The following VWF variants were observed in gnomAD, a reference collection of about 807,000 sequenced individuals.
VWF encodes von Willebrand factor.
VWF carries 176 observed loss-of-function variants against 308.6 expected under a neutral mutation model. That is an observed-to-expected ratio of 0.57 (90% CI 0.50 to 0.65). The LOEUF (loss-of-function observed/expected upper bound fraction) is 0.65, where lower values mean the gene tolerates loss of function less well. Ranked by LOEUF, VWF falls within the 30% of genes least tolerant of loss-of-function variation. The probability of loss-of-function intolerance (pLI) is 0.00; values close to 1 mark genes in which losing one functional copy is unlikely to be tolerated. For missense variants in VWF, 3,146 were observed against 3,648.2 expected, an observed-to-expected ratio of 0.86 and a Z score of 3.55; for synonymous variants, 1,385 against 1,443.4, an observed-to-expected ratio of 0.96 and a Z score of 0.92.
intron 27 of VWF, 141 bp downstream of exon 27, chr12:6,021,759 A>G: frequency 9.3e-7 from 1 of 1,071,712 alleles, no homozygotes; most frequent in Non-Finnish European, 1.4e-6. Flanking sequence ...TAAATAATGA[A>G]TTAAATAAAT....
chr12:6,108,772 G>A (rs1394354023), intron 5 of VWF, among the ~76,000 whole-genome samples: 2 of 152,020 alleles, frequency 1.3e-5, no homozygotes, highest in East Asian at 3.9e-4. Flanking sequence ...ACGAGGTCAG[G>A]AGTTGGAGAC....
At chr12:6,078,475 A>C (rs1944869665) in intron 6 of VWF, among the ~76,000 whole-genome samples, 1 of 152,134 alleles carries the variant, frequency 6.6e-6, no homozygotes, top group African/African-American at 2.4e-5. Flanking sequence ...GAATTACGTC[A>C]CTGAACTCAG....
rs61750079 is a variant in VWF at position 6,019,180 on chromosome 12, G to A, written c.4238C>T (p.Pro1413Leu). 1.4e-5 allele frequency: 22 copies of A among 1,613,792 alleles called. No homozygotes were observed. The highest frequency in any genetic ancestry group is 3.3e-5 in the Admixed American group (2 of 59,988). ...GTTGGCATGGGGCCCAATGCCCACC[G>A]GGATCACAATGACCTTCTTCTTCTT... ...GLKKKKVIVI[P>L]VGIGPHANLK... Residue 1413 changes from proline to leucine, a missense_variant, in exon 28 of 52, where the codon CCG (proline) becomes CTG (leucine). This residue lies in a region of VWF where 853 missense variants were observed against 1,177.8 expected (regional missense o/e 0.72). Coordinates refer to ENST00000261405, the MANE Select transcript of VWF (RefSeq NM_000552.5). This position sits in a 1 kb window ranked among gnomAD's most constrained non-coding sequence, Gnocchi z 5.8.
rs769713195 is a variant in VWF at position 6,057,988 on chromosome 12, G to C, written c.1590C>G (p.Asn530Lys). 1 of 1,613,594 alleles carries C rather than the reference G, an allele frequency of 6.2e-7. No individual in the cohort carries two copies. Among genetic ancestry groups the C allele is most frequent in the Non-Finnish European group, 8.5e-7 (1 of 1,180,040 alleles). ...TCGLCGNYNG[N>K]QGDDFLTPSG... ...AGGGGGTAAGGAAGTCGTCGCCCTG[G>C]TTGCCATTGTAATTCCCACACAGGC... Residue 530 changes from asparagine (N) to lysine (K), a missense_variant, in exon 14 of 52, where the codon AAC becomes AAG. By Grantham distance (94) the Asn-to-Lys change is moderately conservative (BLOSUM62 0). Around this residue, in one of 3 missense-constraint regions of VWF, gnomAD observed 1,304 missense variants for 1,353.0 expected, o/e 0.96. Coordinates refer to ENST00000261405, the MANE Select transcript of VWF (RefSeq NM_000552.5).
intron 34 of VWF, 37 bp downstream of exon 34, chr12:6,011,580 T>G: frequency 6.4e-7 from 1 of 1,559,366 alleles, no homozygotes; most frequent in South Asian, 1.2e-5. Flanking sequence ...GCACTGCCCC[T>G]TTGACGCTGC....
intron 47 of VWF, among the ~76,000 whole-genome samples, chr12:5,956,961 T>A (rs1943258883): frequency 6.6e-6 from 1 of 152,214 alleles, no homozygotes; most frequent in Non-Finnish European, 1.5e-5. Context: ...ACTCTCTGAC[T>A]CACCAAGAGC....
chr12:6,032,334 A>AAAAAG (rs1237715919), intron 20 of VWF, among the ~76,000 whole-genome samples: 2 of 151,054 alleles, frequency 1.3e-5, no homozygotes, highest in Non-Finnish European at 1.5e-5. Context: ...CTCAAAAAAA[A>AAAAAG]AAAAGAAAAG....
intron 50 of VWF, among the ~76,000 whole-genome samples, chr12:5,951,020 CT>C (rs1373358743): frequency 6.6e-6 from 1 of 152,160 alleles, no homozygotes; most frequent in East Asian, 1.9e-4. Flanking sequence ...TGTTTTCACT[CT>C]TCCTTTCTCT....
At chr12:6,041,409 G>A (rs943483933) in intron 18 of VWF, among the ~76,000 whole-genome samples, 9 of 151,322 alleles carry the variant, frequency 5.9e-5, no homozygotes, top group Non-Finnish European at 1.2e-4. Context: ...CAGCCTGGGT[G>A]ACAGAGCAAA....
Position 5,949,178 on chromosome 12 carries a change from T to C in VWF, c.8279A>G (p.Tyr2760Cys), listed in dbSNP as rs1943149264. 1 of 1,613,996 alleles carries C rather than the reference T, an allele frequency of 6.2e-7. No homozygotes were observed. Among genetic ancestry groups the C allele is most frequent in the Admixed American group, 1.7e-5 (1 of 60,002 alleles). Residue 2760 changes from tyrosine to cysteine, a missense_variant, in exon 52 of 52, where the codon TAC (tyrosine) becomes TGC (cysteine). Transcript: ENST00000261405. ...CTGCACATCGTTGATGTCAATGGAGTACATGGCTTTGCTGGCACATTTGCC... is the reference window on the plus strand; with the variant it reads ...CTGCACATCGTTGATGTCAATGGAGCACATGGCTTTGCTGGCACATTTGCC... Reference protein sequence around the residue: ...CQGKCASKAMYSIDINDVQDQ... With the variant: ...CQGKCASKAMCSIDINDVQDQ...
intron 48 of VWF, 54 bp downstream of exon 48, chr12:5,953,442 A>G (rs942871694): frequency 1.3e-6 from 2 of 1,540,108 alleles, no homozygotes; most frequent in African/African-American, 2.7e-5. Context: ...AATTTCCAAA[A>G]AAGGAAGCAA....
chr12:5,982,152 G>T (rs996259351), intron 41 of VWF, among the ~76,000 whole-genome samples, 161 bp from the exon 42 acceptor site: 12 of 152,214 alleles, frequency 7.9e-5, no homozygotes, highest in Admixed American at 7.2e-4. Context: ...GTTACCAAAA[G>T]CAGTCCATCT....
intron 5 of VWF, among the ~76,000 whole-genome samples, chr12:6,102,066 T>G (rs1379364150): frequency 6.6e-6 from 1 of 152,246 alleles, no homozygotes; most frequent in Non-Finnish European, 1.5e-5. Flanking sequence ...AGATTCTGCA[T>G]GTGCTCAGAA....
chr12:6,103,103 G>A (rs996715289), intron 5 of VWF, among the ~76,000 whole-genome samples: 3 of 152,088 alleles, frequency 2.0e-5, no homozygotes, highest in African/African-American at 7.2e-5. Context: ...CAAGGTGGGT[G>A]GATCACAAGG....
Position 6,111,085 on chromosome 12 carries a change from T to C in VWF, c.221-117A>G, listed in dbSNP as rs561441638. ...CAGCAGAAAACGCCCCAAAAAGTCT[T>C]TACAAGCGAGCAACAAAAATCTCCC... On this transcript the variant is annotated intron_variant, in intron 3 of 51. Coordinates refer to ENST00000261405, the MANE Select transcript of VWF (RefSeq NM_000552.5). 1.2e-4 allele frequency: 110 copies of C among 909,128 alleles called. 1 individual carries two copies. The South Asian group carries it at 1.5e-3, about 13-fold the overall frequency. 56.3% of individuals were successfully genotyped at this position (909,128 alleles called of 1,614,324 possible).
intron 47 of VWF, among the ~76,000 whole-genome samples, chr12:5,964,261 T>C (rs929397844): frequency 6.7e-6 from 1 of 148,154 alleles, no homozygotes; most frequent in Non-Finnish European, 1.5e-5. Context: ...CATACATACA[T>C]ACATACATAC....
rs1332121982 is a variant in VWF, at chr12:6,018,614, T to C, written c.4804A>G (p.Asn1602Asp). 6.2e-7 allele frequency: 1 copy of C among 1,614,084 alleles called. No homozygotes were observed. The highest frequency in any genetic ancestry group is 1.7e-5 in the Admixed American group (1 of 60,016). The change falls in exon 28 of 52, where the codon AAC (asparagine) becomes GAC (aspartate). Residue 1602 changes from asparagine (N) to aspartate (D), a missense_variant. Asn to Asp is a conservative substitution (Grantham distance 23). Coordinates refer to ENST00000261405, the MANE Select transcript of VWF (RefSeq NM_000552.5). Reference sequence around the variant, plus strand: ...TTTCCGGTGACCATGTAGACCAGGTTGGGCGCCTGCTCCCGGTCACCCTGG... The same window carrying C: ...TTTCCGGTGACCATGTAGACCAGGTCGGGCGCCTGCTCCCGGTCACCCTGG... ...VSQGDREQAP[N>D]LVYMVTGNPA...
intron 6 of VWF, among the ~76,000 whole-genome samples, chr12:6,090,147 C>G (rs967748063): frequency 1.3e-5 from 2 of 151,966 alleles, no homozygotes; most frequent in Non-Finnish European, 2.9e-5. Context: ...TTAGTAGAGA[C>G]GGGGTTTCAC....
intron 46 of VWF, 91 bp from the exon 47 acceptor site, chr12:5,967,693 C>G (rs1254467674): frequency 5.2e-6 from 6 of 1,150,494 alleles, no homozygotes; most frequent in Non-Finnish European, 7.8e-6. Context: ...CCCACCCACC[C>G]ATAGCTCCCA....
Sources: gnomAD v4.1 joint callset for allele counts (sites outside exome capture counted in the v4.1 genomes callset) on GRCh38, gnomAD v4.1.1 for gene constraint, gnomAD v4.1.1 regional missense constraint, Gnocchi (gnomAD v3.1) non-coding constraint, MANE v1.5 for transcripts, NCBI Gene and HGNC (gene_info 2026-07-23, HGNC 2026-07-21) for gene names.